The following PDE3B variants were observed in gnomAD, a reference collection of about 807,000 sequenced individuals.
The protein encoded by PDE3B is cGMP-inhibited 3',5'-cyclic phosphodiesterase 3B.
A neutral mutation model predicts 116.8 loss-of-function variants in PDE3B; 66 were observed. The observed-to-expected ratio is 0.56, with a 90% CI of 0.46 to 0.69. The LOEUF is 0.69. Among genes scored for constraint, PDE3B ranks in the 30% least tolerant of loss-of-function variants. The pLI, the probability that PDE3B is intolerant of heterozygous loss-of-function variation, is 0.00. For missense variants in PDE3B, 1,384 were observed against 1,368.1 expected (o/e 1.01, Z -0.18); for synonymous variants, 595 against 533.6 (o/e 1.12, Z -1.59).
the PDE3B span, chr11:14,891,767 A>C: frequency 1.4e-6 from 2 of 1,382,950 alleles, no homozygotes; most frequent in East Asian, 5.6e-5. Flanking sequence ...GGAGTGGGTC[A>C]CCGGCAGGGG....
At chr11:14,799,945 A>G (rs183918279) in intron 4 of PDE3B, among the ~76,000 whole-genome samples, 9 of 151,086 alleles carry the variant, frequency 6.0e-5, no homozygotes, top group African/African-American at 1.7e-4. Flanking sequence ...TTTAAGGTTA[A>G]TATGTGTGAA....
chr11:14,892,254 A>C, the PDE3B span: 3 of 1,546,290 alleles, frequency 1.9e-6, no homozygotes, highest in East Asian at 2.3e-5. Flanking sequence ...AGACCCAGGC[A>C]CTCCCTCCAG....
intron 1 of PDE3B, among the ~76,000 whole-genome samples, chr11:14,666,950 C>G (rs923863531): frequency 1.3e-5 from 2 of 151,066 alleles, no homozygotes; most frequent in South Asian, 2.1e-4. Context: ...ACCCAAAGGA[C>G]TATAAATCAT....
chr11:14,818,868 A>G (rs1481299858), intron 6 of PDE3B, among the ~76,000 whole-genome samples: 1 of 152,154 alleles, frequency 6.6e-6, no homozygotes, highest in Non-Finnish European at 1.5e-5. Flanking sequence ...CATAGTACCC[A>G]GTAAATGGTG....
intron 1 of PDE3B, among the ~76,000 whole-genome samples, chr11:14,656,511 T>G (rs997245726): frequency 2.0e-5 from 3 of 152,210 alleles, no homozygotes; most frequent in African/African-American, 7.2e-5. Flanking sequence ...TTTTCCTTAA[T>G]AGACAGTTAT....
Position 14,786,688 on chromosome 11 carries a change from C to A in PDE3B, c.1278+3C>A. The A allele has an allele frequency of 1.2e-6, 2 of 1,603,390 alleles. No homozygotes were observed. Among genetic ancestry groups the A allele is most frequent in the South Asian group, 1.1e-5 (1 of 90,780 alleles). ...AAGGGGATAGAAAACTTAACAAGGT[C>A]GAAATACAGTAATCATCTAACCCTA... On this transcript the variant is annotated splice_donor_region_variant and intron_variant, in intron 3 of 15. Coordinates refer to ENST00000282096, the MANE Select transcript of PDE3B (RefSeq NM_000922.4).
chr11:14,884,893 G>C, the PDE3B span, among the ~76,000 whole-genome samples: 1 of 151,630 alleles, frequency 6.6e-6, no homozygotes, highest in African/African-American at 2.4e-5. Context: ...TATAATTGTG[G>C]CTGCTTCTTT....
chr11:14,669,514 G>A (rs1396955170), intron 1 of PDE3B, among the ~76,000 whole-genome samples: 2 of 147,470 alleles, frequency 1.4e-5, no homozygotes, highest in South Asian at 4.4e-4. Flanking sequence ...TGCACAACGT[G>A]CAGGTTTGTT....
chr11:14,766,826 T>C (rs1590127083), intron 1 of PDE3B, among the ~76,000 whole-genome samples: 1 of 151,754 alleles, frequency 6.6e-6, no homozygotes, highest in South Asian at 2.1e-4. Context: ...AAAACAAATA[T>C]TAAGTAGGAA....
rs189788629 is a variant in PDE3B, at chr11:14,780,812, G to A, written c.1030-5625G>A. On this transcript the variant is annotated intron_variant, in intron 2 of 15. Transcript: ENST00000282096. Reference sequence around the variant, plus strand: ...CTAGCAGAAGGCAAGAAATAACTAAGATCAGAGCAGAACTGAAGGAGATAG... The same window carrying A: ...CTAGCAGAAGGCAAGAAATAACTAAAATCAGAGCAGAACTGAAGGAGATAG... Among the ~76,000 whole-genome samples, 1,222 of 152,204 alleles carry A rather than the reference G, an allele frequency of 8.0e-3. 12 individuals carry two copies. Among genetic ancestry groups the A allele is most frequent in the Non-Finnish European group, 0.013 (877 of 67,990 alleles).
intron 12 of PDE3B, among the ~76,000 whole-genome samples, chr11:14,851,110 AC>A (rs1847741197): frequency 6.6e-6 from 1 of 151,022 alleles, no homozygotes; most frequent in African/African-American, 2.4e-5. Flanking sequence ...GGCGTGAGCC[AC>A]CACGCCTGGC....
the PDE3B span, chr11:14,886,261 C>CCAG: frequency 4.6e-6 from 1 of 218,424 alleles, no homozygotes; most frequent in East Asian, 1.0e-4. Context: ...TCAGTATTGC[C>CCAG]ATAGAAAATA....
At position 14,867,483 on chromosome 11, in the gene PDE3B, ACTTTT is replaced by A. The variant is rs782667046; in HGVS notation, c.2887-17_2887-13del. The A allele has an allele frequency of 2.5e-6, 4 of 1,603,508 alleles. No individual in the cohort carries two copies. The South Asian group carries it at 4.5e-5, about 18-fold the overall frequency. On this transcript the variant is annotated intron_variant, in intron 14 of 15. Transcript: ENST00000282096. ...TGGTTCTTTCACCAGTTAAAAATGT[ACTTTT>A]CTTTTTAAAATATGCAGGGAGATGA...
At chr11:14,662,096 C>A (rs901256364) in intron 1 of PDE3B, among the ~76,000 whole-genome samples, 2 of 152,138 alleles carry the variant, frequency 1.3e-5, no homozygotes, top group African/African-American at 4.8e-5. Context: ...GCCGGGTACT[C>A]CTCTGAGACA....
chr11:14,832,805 A>C lies in PDE3B; in HGVS notation c.2178A>C (p.Ala726=). 1 of 1,504,370 alleles carries C rather than the reference A, an allele frequency of 6.6e-7. No individual in the cohort carries two copies. The highest frequency in any genetic ancestry group is 9.2e-7 in the Non-Finnish European group (1 of 1,092,106). The allele number at this position is 1,504,370 out of a possible 1,614,324, so 93.2% of individuals were successfully genotyped here. A position where few individuals can be genotyped will look rare whatever the true frequency, so the allele number is the denominator to read the frequency against. ...AACAATTTATGAACTATTTTCGTGC[A>C]TTAGAAAATGGCTATCGAGACATTC... ...PTQQFMNYFR[A]LENGYRDIPY... Residue 726 remains alanine, a synonymous_variant, in exon 10 of 16, where the codon GCA becomes GCC. Transcript: ENST00000282096.
chr11:14,709,474 C>T (rs1267876912), intron 1 of PDE3B, among the ~76,000 whole-genome samples: 1 of 152,122 alleles, frequency 6.6e-6, no homozygotes, highest in Non-Finnish European at 1.5e-5. Context: ...AACCTGGGGG[C>T]ACTACCAGTA....
At chr11:14,822,032 G>C (rs1215655997) in intron 7 of PDE3B, among the ~76,000 whole-genome samples, 1 of 150,896 alleles carries the variant, frequency 6.6e-6, no homozygotes, top group Admixed American at 6.6e-5. Flanking sequence ...TCAGTCTTCT[G>C]AGTAGTTGGG....
At chr11:14,693,530 A>T (rs1855111411) in intron 1 of PDE3B, among the ~76,000 whole-genome samples, 1 of 152,180 alleles carries the variant, frequency 6.6e-6, no homozygotes, top group Admixed American at 6.6e-5. Context: ...TAGGGCCCTT[A>T]AGAATTATGG....
At chr11:14,720,993 C>G (rs1409398300) in intron 1 of PDE3B, among the ~76,000 whole-genome samples, 1 of 129,808 alleles carries the variant, frequency 7.7e-6, no homozygotes, top group Non-Finnish European at 1.6e-5. Context: ...AGGCAACCTA[C>G]AACCTGGGAG....
Sources: gnomAD v4.1 joint callset for allele counts (sites outside exome capture counted in the v4.1 genomes callset) on GRCh38, gnomAD v4.1.1 for gene constraint, MANE v1.5 for transcripts, NCBI Gene and HGNC (gene_info 2026-07-23, HGNC 2026-07-21) for gene names.